TRMT10B: variants seen among roughly 807,000 people sequenced by gnomAD.
TRMT10B encodes the protein tRNA methyltransferase 10 homolog B.
Under a neutral mutation model 43.8 loss-of-function variants are expected in TRMT10B, and 33 were observed. The observed-to-expected ratio is 0.75, with a 90% CI of 0.57 to 1.01. The LOEUF (loss-of-function observed/expected upper bound fraction) is 1.01. TRMT10B is among the 50% of genes least tolerant of loss of function. The pLI is 0.00. For missense variants in TRMT10B, 362 were observed against 369.8 expected (o/e 0.98, Z 0.17); for synonymous variants, 137 against 130.6 (o/e 1.05, Z -0.34).
chr9:37,753,778 CGAAGCG>C (rs1016840283), upstream of TRMT10B: 3 of 152,182 alleles, frequency 2.0e-5, no homozygotes, highest in Non-Finnish European at 4.4e-5. Context: ...AGCGGAGTTA[CGAAGCG>C]GAAGCGAGGC....
At chr9:37,760,483 G>T (rs7868556) in intron 1 of TRMT10B, among the ~76,000 whole-genome samples, 3 of 152,168 alleles carry the variant, frequency 2.0e-5, no homozygotes, top group Admixed American at 6.5e-5. Flanking sequence ...TTGTGCCACC[G>T]CACTCGAGCT....
chr9:37,758,566 T>TAGAA (rs1460532819), intron 1 of TRMT10B, among the ~76,000 whole-genome samples: 1 of 151,510 alleles, frequency 6.6e-6, no homozygotes, highest in African/African-American at 2.4e-5. Flanking sequence ...AGAACAGAGA[T>TAGAA]AGAAATATAA....
chr9:37,769,893 C>A, intron 5 of TRMT10B, 48 bp from the exon 6 acceptor site: 1 of 1,509,278 alleles, frequency 6.6e-7, no homozygotes, highest in South Asian at 1.1e-5. Context: ...GTGAGCCACC[C>A]CACCCAGCCG....
rs1828320829 is a variant in TRMT10B, at chr9:37,777,610, T to C, written c.854T>C (p.Ile285Thr). ...EILAINQVFD[I>T]LSTYLETHNW... ...GTTTACTCTCTAACAGTGTTTGATA[T>C]CCTGTCCACTTACTTAGAGACTCAC... Residue 285 changes from isoleucine (I) to threonine (T), a missense_variant, in exon 9 of 9, where the codon ATC (isoleucine) becomes ACC (threonine). Coordinates refer to ENST00000297994, the MANE Select transcript of TRMT10B (RefSeq NM_144964.4). The C allele has an allele frequency of 6.2e-7, 1 of 1,613,214 alleles. No homozygotes were observed. Among genetic ancestry groups the C allele is most frequent in the Non-Finnish European group, 8.5e-7 (1 of 1,179,244 alleles).
At chr9:37,767,240 G>C (rs1827069872) in intron 4 of TRMT10B, 1 of 152,098 alleles carries the variant, frequency 6.6e-6, no homozygotes, top group South Asian at 2.1e-4. Flanking sequence ...ATTAGGCTGG[G>C]CACAGTGGCT....
chr9:37,760,301 G>A (rs1826186434), intron 1 of TRMT10B, among the ~76,000 whole-genome samples: 1 of 152,240 alleles, frequency 6.6e-6, no homozygotes, highest in Non-Finnish European at 1.5e-5. Context: ...CAGCCTGGGT[G>A]ACAGTGTGAG....
chr9:37,777,806 G>A lies in TRMT10B; in HGVS notation c.*99G>A, dbSNP rs1828349277. On this transcript the variant is annotated 3_prime_UTR_variant, in exon 9 of 9. Transcript: ENST00000297994. ...AGATCACCTGAGGTCAGGAGTTCACGACCAGCCTGGCCAACATGGTGAAAC... is the reference window on the plus strand; with the variant it reads ...AGATCACCTGAGGTCAGGAGTTCACAACCAGCCTGGCCAACATGGTGAAAC... The A allele has an allele frequency of 1.3e-5, 12 of 920,612 alleles. No individual in the cohort carries two copies. In the Admixed American group the frequency reaches 1.4e-4, roughly 11 times the overall value. 57.0% of individuals were successfully genotyped at this position (920,612 alleles called of 1,614,324 possible). A position where few individuals can be genotyped will look rare whatever the true frequency, so the allele number is the denominator to read the frequency against.
chr9:37,754,628 C>T (rs539163526), intron 1 of TRMT10B, among the ~76,000 whole-genome samples: 70 of 152,154 alleles, frequency 4.6e-4, no homozygotes, highest in Non-Finnish European at 7.1e-4. Context: ...AGTGGGGAAA[C>T]AGGTAGACAG....
upstream of TRMT10B, among the ~76,000 whole-genome samples, chr9:37,753,454 G>A (rs1395332551): frequency 6.6e-6 from 1 of 152,130 alleles, no homozygotes; most frequent in Non-Finnish European, 1.5e-5. Context: ...GGTTTCCTTC[G>A]GCAGAGAGGG....
chr9:37,754,340 A>G (rs954804823), intron 1 of TRMT10B, among the ~76,000 whole-genome samples: 3 of 152,226 alleles, frequency 2.0e-5, no homozygotes, highest in East Asian at 1.9e-4. Flanking sequence ...AGGGAAGAGC[A>G]TTGAGGGTAA....
Position 37,763,616 on chromosome 9 carries a change from A to T in TRMT10B, c.296-13A>T, listed in dbSNP as rs777443510. On this transcript the variant is annotated splice_polypyrimidine_tract_variant and intron_variant, in intron 3 of 8. Coordinates refer to ENST00000297994, the MANE Select transcript of TRMT10B (RefSeq NM_144964.4). Reference sequence around the variant, plus strand: ...TTTTCCACTTTTATTTCTTTCTGATATTTCTGCTTTAGGCATTTGCCCCCA... The same window carrying T: ...TTTTCCACTTTTATTTCTTTCTGATTTTTCTGCTTTAGGCATTTGCCCCCA... 1.1e-5 allele frequency: 17 copies of T among 1,609,674 alleles called. 1 individual carries two copies. The highest frequency in any genetic ancestry group is 1.4e-5 in the Non-Finnish European group (17 of 1,177,340).
At chr9:37,764,851 T>G (rs1231212847) in intron 4 of TRMT10B, among the ~76,000 whole-genome samples, 1 of 152,140 alleles carries the variant, frequency 6.6e-6, no homozygotes, top group African/African-American at 2.4e-5. Flanking sequence ...CAGCAGTTCA[T>G]GAGTCTCATA....
chr9:37,770,150 C>T, intron 6 of TRMT10B, 131 bp downstream of exon 6: 1 of 796,556 alleles, frequency 1.3e-6, no homozygotes, highest in Non-Finnish European at 2.2e-6. Context: ...TGCACATGAG[C>T]AGTGCTCCTC....
chr9:37,754,854 C>A (rs959170539), intron 1 of TRMT10B, among the ~76,000 whole-genome samples: 3 of 152,152 alleles, frequency 2.0e-5, no homozygotes, highest in Non-Finnish European at 4.4e-5. Context: ...GATACTGTTA[C>A]AATGGCAATT....
intron 2 of TRMT10B, 58 bp downstream of exon 2, chr9:37,762,175 C>T (rs1341390946): frequency 1.3e-6 from 2 of 1,521,638 alleles, no homozygotes; most frequent in African/African-American, 1.4e-5. Flanking sequence ...TCAAGACACC[C>T]CTGTTTTAAA....
upstream of TRMT10B, among the ~76,000 whole-genome samples, chr9:37,753,529 TC>T (rs1825195300): frequency 1.3e-5 from 2 of 152,178 alleles, no homozygotes; most frequent in Admixed American, 1.3e-4. Context: ...TTTCGCAATG[TC>T]CAGCCCTTGA....
At chr9:37,756,809 TGTGTGC>T (rs769976779) in intron 1 of TRMT10B, among the ~76,000 whole-genome samples, 4 of 136,644 alleles carry the variant, frequency 2.9e-5, no homozygotes, top group Admixed American at 2.8e-4. Flanking sequence ...TGTGTATATA[TGTGTGC>T]ATATGTGTGT....
chr9:37,753,248 C>T (rs961029872), upstream of TRMT10B, among the ~76,000 whole-genome samples: 1 of 152,230 alleles, frequency 6.6e-6, no homozygotes, highest in Admixed American at 6.5e-5. Flanking sequence ...TTCTTGAAGT[C>T]AGTGAGACCA....
At chr9:37,754,330 A>G (rs1825362713) in intron 1 of TRMT10B, among the ~76,000 whole-genome samples, 1 of 152,224 alleles carries the variant, frequency 6.6e-6, no homozygotes, top group Non-Finnish European at 1.5e-5. Context: ...TGAGTGTCTT[A>G]GGGAAGAGCA....
Sources: allele counts gnomAD v4.1 joint callset (sites outside exome capture counted in the v4.1 genomes callset), GRCh38; gene constraint gnomAD v4.1.1; transcripts MANE v1.5; gene names NCBI Gene and HGNC (gene_info 2026-07-23, HGNC 2026-07-21).